Variants in HDAC9 observed in about 807,000 individuals in gnomAD.
HDAC9 encodes the protein histone deacetylase 9.
A neutral mutation model predicts 139.4 loss-of-function variants in HDAC9; 41 were observed. The ratio of observed to expected loss-of-function variants is 0.29; its 90% CI spans 0.23 to 0.38. The LOEUF (loss-of-function observed/expected upper bound fraction) is 0.38. HDAC9 is among the 10% of genes least tolerant of loss of function. The pLI is 1.00. For synonymous variants in HDAC9, 517 were observed against 476.2 expected (o/e 1.09, Z -1.12); for missense variants, 1,147 against 1,297.0 (o/e 0.88, Z 1.78).
At chr7:18,812,483 CTA>C (rs1794251402) in intron 17 of HDAC9, among the ~76,000 whole-genome samples, 1 of 151,948 alleles carries the variant, frequency 6.6e-6, no homozygotes, top group African/African-American at 2.4e-5. Flanking sequence ...ATTTCACACT[CTA>C]AAGATATATT....
chr7:18,832,584 A>G (rs1795929148), intron 19 of HDAC9, among the ~76,000 whole-genome samples: 1 of 152,142 alleles, frequency 6.6e-6, no homozygotes, highest in Non-Finnish European at 1.5e-5. Flanking sequence ...TTTCATTTCT[A>G]TAGTAATTTC....
intron 2 of HDAC9, among the ~76,000 whole-genome samples, chr7:18,210,944 T>G (rs551952988): frequency 6.6e-6 from 1 of 152,126 alleles, no homozygotes; most frequent in East Asian, 1.9e-4. Flanking sequence ...ATGTCAAGGG[T>G]AGGACATTTT....
intron 1 of HDAC9, among the ~76,000 whole-genome samples, chr7:18,328,153 T>C (rs1800614200): frequency 2.0e-5 from 3 of 152,008 alleles, no homozygotes. Context: ...CTTTGAACTT[T>C]AGTTCCTATT....
intron 12 of HDAC9, among the ~76,000 whole-genome samples, chr7:18,702,080 A>C (rs1783534359): frequency 6.6e-6 from 1 of 151,578 alleles, no homozygotes; most frequent in Admixed American, 6.6e-5. Context: ...GCCAGGCACC[A>C]TTTGGAAGCA....
At chr7:18,140,670 A>G (rs1785834748) in intron 1 of HDAC9, among the ~76,000 whole-genome samples, 1 of 152,178 alleles carries the variant, frequency 6.6e-6, no homozygotes, top group South Asian at 2.1e-4. Flanking sequence ...GGTATGCAGT[A>G]TTTGAAAGAA....
chr7:18,277,118 G>T (rs539723883), intron 2 of HDAC9, among the ~76,000 whole-genome samples: 2 of 152,086 alleles, frequency 1.3e-5, no homozygotes, highest in Non-Finnish European at 2.9e-5. Context: ...AAAAAAACAG[G>T]CACAAAGCTA....
chr7:18,516,918 AG>A (rs752111381), intron 2 of HDAC9, among the ~76,000 whole-genome samples: 1 of 151,444 alleles, frequency 6.6e-6, no homozygotes, highest in East Asian at 1.9e-4. Flanking sequence ...GATCTGCCTT[AG>A]CTGAAAAATC....
intron 17 of HDAC9, among the ~76,000 whole-genome samples, chr7:18,799,038 AAGACACACAC>A (rs1163667359): frequency 0.13 from 17,985 of 143,452 alleles, 1,349 homozygotes; most frequent in African/African-American, 0.16. Flanking sequence ...AATGTGCCCT[AAGACACACAC>A]ACACACACAC....
At chr7:18,990,487 A>C (rs1169650807) in intron 25 of HDAC9, among the ~76,000 whole-genome samples, 1 of 152,216 alleles carries the variant, frequency 6.6e-6, no homozygotes, top group East Asian at 1.9e-4. Context: ...TGCAGAGGTT[A>C]CTGCTGTCTT....
chr7:18,322,169 A>G (rs1255768318), intron 1 of HDAC9, among the ~76,000 whole-genome samples: 1 of 152,200 alleles, frequency 6.6e-6, no homozygotes, highest in Non-Finnish European at 1.5e-5. Flanking sequence ...TAGCAGCATT[A>G]AACACTGTTC....
chr7:18,200,432 G>T (rs1309848822), intron 2 of HDAC9, among the ~76,000 whole-genome samples: 1 of 152,170 alleles, frequency 6.6e-6, no homozygotes, highest in Non-Finnish European at 1.5e-5. Context: ...GTATCTTCCA[G>T]TGAAAGCTTC....
intron 2 of HDAC9, among the ~76,000 whole-genome samples, chr7:18,534,651 A>G (rs1249965376): frequency 1.3e-5 from 2 of 152,182 alleles, no homozygotes; most frequent in Non-Finnish European, 2.9e-5. Context: ...GAATTTTCCC[A>G]GCTTCTACTT....
At chr7:18,312,082 G>C (rs985004671) in intron 1 of HDAC9, among the ~76,000 whole-genome samples, 1 of 152,162 alleles carries the variant, frequency 6.6e-6, no homozygotes, top group African/African-American at 2.4e-5. Context: ...CTATTGTCCT[G>C]ACTCCTTCTA....
chr7:18,605,848 T>A (rs1477680539), intron 6 of HDAC9, among the ~76,000 whole-genome samples: 3 of 152,084 alleles, frequency 2.0e-5, no homozygotes, highest in Non-Finnish European at 4.4e-5. Context: ...GCCCAGCTAA[T>A]TTTTTGTATT....
At chr7:18,977,802 T>G (rs772823023) in intron 25 of HDAC9, among the ~76,000 whole-genome samples, 7 of 152,118 alleles carry the variant, frequency 4.6e-5, no homozygotes, top group Admixed American at 1.3e-4. Flanking sequence ...CTTGAAATAT[T>G]TCTGATGGCT....
intron 2 of HDAC9, among the ~76,000 whole-genome samples, chr7:18,505,604 T>G (rs1047407941): frequency 6.6e-6 from 1 of 152,224 alleles, no homozygotes; most frequent in Non-Finnish European, 1.5e-5. Context: ...GAGTTAATTT[T>G]GCTTTATTGG....
chr7:18,622,910 A>G (rs2128949968), intron 6 of HDAC9, among the ~76,000 whole-genome samples: 2 of 151,930 alleles, frequency 1.3e-5, no homozygotes. Context: ...TTGGGAGGCC[A>G]AGGCAAGCAG....
chr7:18,177,096 T>C (rs1031105589), intron 2 of HDAC9, among the ~76,000 whole-genome samples: 14 of 152,230 alleles, frequency 9.2e-5, no homozygotes, highest in Non-Finnish European at 1.5e-4. Context: ...CGCCTACCCA[T>C]CTGCCTTCCT....
At chr7:18,304,973 A>T (rs1456788223) in intron 1 of HDAC9, among the ~76,000 whole-genome samples, 1 of 128,152 alleles carries the variant, frequency 7.8e-6, no homozygotes, top group Non-Finnish European at 1.6e-5. Context: ...CCCTGATTTT[A>T]TTGGAATAGG....
Sources: allele counts gnomAD v4.1 joint callset (sites outside exome capture counted in the v4.1 genomes callset), GRCh38; gene constraint gnomAD v4.1.1; transcripts MANE v1.5; gene names NCBI Gene and HGNC (gene_info 2026-07-23, HGNC 2026-07-21).